The following KCNK13 variants were observed in gnomAD, a reference collection of about 807,000 sequenced individuals.
KCNK13 encodes potassium two pore domain channel subfamily K member 13.
A neutral mutation model predicts 23.4 loss-of-function variants in KCNK13; 12 were observed. The ratio of observed to expected loss-of-function variants is 0.51; its 90% CI spans 0.33 to 0.83. KCNK13 has a LOEUF of 0.83. KCNK13 is among the 40% of genes least tolerant of loss of function. The pLI, the probability that KCNK13 is intolerant of heterozygous loss-of-function variation, is 0.02. For missense variants in KCNK13, 463 were observed against 556.3 expected (o/e 0.83, Z 1.69); for synonymous variants, 231 against 229.5 (o/e 1.01, Z -0.06).
At position 90,062,448 on chromosome 14, in the gene KCNK13, C is replaced by T. The variant is rs1888956152; in HGVS notation, c.243C>T (p.Ala81=). Residue 81 remains alanine, a synonymous_variant, in exon 1 of 2, where the codon GCC becomes GCT. Transcript: ENST00000282146. The surrounding 1 kb of genome is among the most constrained non-coding windows in gnomAD (Gnocchi z 4.5). Reference sequence around the variant, plus strand: ...GCTTCCTCCGCCACTACGAGGAGGCCACTCGGGCCGGCATCCGCGTGGACA... The same window carrying T: ...GCTTCCTCCGCCACTACGAGGAGGCTACTCGGGCCGGCATCCGCGTGGACA... ...LRGFLRHYEE[A]TRAGIRVDNV... The T allele has an allele frequency of 1.9e-6, 3 of 1,546,840 alleles. No individual in the cohort carries two copies. Among genetic ancestry groups the T allele is most frequent in the Non-Finnish European group, 1.7e-6 (2 of 1,146,144 alleles).
At chr14:90,175,791 A>C (rs1027820261) in intron 1 of KCNK13, among the ~76,000 whole-genome samples, 5 of 152,154 alleles carry the variant, frequency 3.3e-5, no homozygotes, top group African/African-American at 1.2e-4. Flanking sequence ...CTCAGTGTCA[A>C]CTGCTGACTC....
chr14:90,098,159 A>C (rs1467051324), intron 1 of KCNK13, among the ~76,000 whole-genome samples: 1 of 152,236 alleles, frequency 6.6e-6, no homozygotes, highest in African/African-American at 2.4e-5. Context: ...ATGTGAATTC[A>C]GAAAACCTGG....
At chr14:90,147,902 G>A (rs1890090694) in intron 1 of KCNK13, among the ~76,000 whole-genome samples, 1 of 152,152 alleles carries the variant, frequency 6.6e-6, no homozygotes. Flanking sequence ...CGGGCATGGT[G>A]GCTCAGGCCT....
At chr14:90,138,686 C>T (rs751975721) in intron 1 of KCNK13, among the ~76,000 whole-genome samples, 7 of 152,194 alleles carry the variant, frequency 4.6e-5, no homozygotes, top group African/African-American at 7.2e-5. Context: ...ATGCCATGTA[C>T]GGCTGTGTGA....
chr14:90,168,256 C>G (rs1890326492), intron 1 of KCNK13, among the ~76,000 whole-genome samples: 1 of 151,710 alleles, frequency 6.6e-6, no homozygotes, highest in Admixed American at 6.6e-5. Flanking sequence ...TGCCTGTAGT[C>G]CCAGCTACTG....
intron 1 of KCNK13, among the ~76,000 whole-genome samples, chr14:90,135,371 A>G (rs771288925): frequency 1.4e-4 from 21 of 152,212 alleles, no homozygotes; most frequent in Admixed American, 3.3e-4. Context: ...CTGAGGACCA[A>G]GGGAAGGGAG....
intron 1 of KCNK13, among the ~76,000 whole-genome samples, chr14:90,127,787 C>T (rs1398903417): frequency 7.0e-6 from 1 of 143,684 alleles, no homozygotes; most frequent in African/African-American, 2.6e-5. Context: ...CCACTGCAGT[C>T]CAGCCTGGTA....
chr14:90,062,332 C>T lies in KCNK13; in HGVS notation c.127C>T (p.Leu43=). The T allele has an allele frequency of 3.2e-6, 5 of 1,555,424 alleles. No homozygotes were observed. The highest frequency in any genetic ancestry group is 4.3e-6 in the Non-Finnish European group (5 of 1,155,588). Residue 43 remains leucine, a synonymous_variant, in exon 1 of 2, where the codon CTG becomes TTG. Transcript: ENST00000282146. The surrounding 1 kb of genome is among the most constrained non-coding windows in gnomAD (Gnocchi z 4.5). ...CGCCGCCGTCTTCTCCGCGCTGGAG[C>T]TGGCGCACGAGCGCCAGGCCAAGCA... ...GGAAVFSALE[L]AHERQAKQRW...
chr14:90,069,030 CTTTT>C (rs34881625), intron 1 of KCNK13, among the ~76,000 whole-genome samples: 1 of 90,120 alleles, frequency 1.1e-5, no homozygotes, highest in Middle Eastern at 8.8e-3. Context: ...AGTTTTTATT[CTTTT>C]TTTTTTTTTT....
chr14:90,109,762 G>A (rs1336606876), intron 1 of KCNK13, among the ~76,000 whole-genome samples: 2 of 150,398 alleles, frequency 1.3e-5, no homozygotes, highest in African/African-American at 2.5e-5. Context: ...AGGCTGGAGT[G>A]CAATGGTGCA....
In KCNK13 at chr14:90,184,197, T is replaced by C. The variant is rs999803330; in HGVS notation, c.421T>C (p.Phe141Leu). Residue 141 changes from phenylalanine (F) to leucine (L), a missense_variant, in exon 2 of 2, where the codon TTC becomes CTC. Physicochemically the swap from Phe to Leu is conservative, Grantham distance 22. Transcript: ENST00000282146. This position sits in a 1 kb window ranked among gnomAD's most constrained non-coding sequence, Gnocchi z 5.6. ...TGTTGGGTGTTCCAGCACCATCTTG[T>C]TCTTCAACCTCTTCCTGGAGCGCCT... Reference protein sequence around the residue: ...GLVGCSSTILFFNLFLERLIT... With the variant: ...GLVGCSSTILLFNLFLERLIT... 2 of 1,614,148 alleles carry C rather than the reference T, an allele frequency of 1.2e-6. No individual in the cohort carries two copies. The highest frequency in any genetic ancestry group is 1.7e-6 in the Non-Finnish European group (2 of 1,180,050).
At chr14:90,155,424 TG>T (rs916758031) in intron 1 of KCNK13, among the ~76,000 whole-genome samples, 12 of 152,004 alleles carry the variant, frequency 7.9e-5, no homozygotes, top group African/African-American at 2.7e-4. Context: ...ACCAGGTGAA[TG>T]GGGGCCAATG....
At chr14:90,125,369 G>A (rs1468968897) in intron 1 of KCNK13, among the ~76,000 whole-genome samples, 2 of 151,536 alleles carry the variant, frequency 1.3e-5, no homozygotes, top group Admixed American at 6.6e-5. Context: ...GACTACAGGC[G>A]CCCGCCACCA....
rs1596763201 is a variant in KCNK13 at position 90,068,407 on chromosome 14, C to T, written c.334+5868C>T. Among the ~76,000 whole-genome samples the T allele has an allele frequency of 3.3e-5, 5 of 152,028 alleles. No homozygotes were observed. The South Asian group carries it at 1.0e-3, about 32-fold the overall frequency. On this transcript the variant is annotated intron_variant, in intron 1 of 1. Transcript: ENST00000282146. ...GCCAGGAGTTCGAAACCAGCCTGGC[C>T]AACATGGCGAAACCCCATCTCTACA...
chr14:90,147,316 A>G (rs1318481317), intron 1 of KCNK13, among the ~76,000 whole-genome samples: 1 of 152,098 alleles, frequency 6.6e-6, no homozygotes, highest in African/African-American at 2.4e-5. Context: ...GCAGTGGCAC[A>G]ATCATAGCTC....
intron 1 of KCNK13, among the ~76,000 whole-genome samples, chr14:90,125,605 A>G (rs1179147093): frequency 1.9e-5 from 1 of 53,670 alleles, no homozygotes; most frequent in Non-Finnish European, 3.9e-5. Context: ...ACACGCACAC[A>G]CACACACACA....
At chr14:90,122,295 A>C (rs74727144) in intron 1 of KCNK13, among the ~76,000 whole-genome samples, 6,296 of 150,882 alleles carry the variant, frequency 0.042, 181 homozygotes, top group Non-Finnish European at 0.064. Flanking sequence ...CAGGGCATGA[A>C]TATTTTAAAG....
chr14:90,064,169 G>A (rs1272576907), intron 1 of KCNK13, among the ~76,000 whole-genome samples: 3 of 152,204 alleles, frequency 2.0e-5, no homozygotes, highest in African/African-American at 7.2e-5. Flanking sequence ...CAAGACTTGG[G>A]ATGAACAAAC....
intron 1 of KCNK13, among the ~76,000 whole-genome samples, chr14:90,145,798 C>T (rs1043527558): frequency 6.6e-6 from 1 of 151,744 alleles, no homozygotes; most frequent in Admixed American, 6.6e-5. Flanking sequence ...GCCAAAGATC[C>T]AAGACCAGCC....
Sources: allele counts gnomAD v4.1 joint callset (sites outside exome capture counted in the v4.1 genomes callset), GRCh38; gene constraint gnomAD v4.1.1; non-coding constraint Gnocchi (gnomAD v3.1); transcripts MANE v1.5; gene names NCBI Gene and HGNC (gene_info 2026-07-23, HGNC 2026-07-21).